The following ZNF837 variants were observed in gnomAD, a reference collection of about 807,000 sequenced individuals.
ZNF837 encodes the protein zinc finger protein 837.
For missense variants in ZNF837, 955 were observed against 801.7 expected, an observed-to-expected ratio of 1.19 and a Z score of -2.31; for synonymous variants, 475 against 365.2, an observed-to-expected ratio of 1.30 and a Z score of -3.43.
intron 1 of ZNF837, among the ~76,000 whole-genome samples, chr19:58,379,430 C>A (rs1429670587): frequency 6.6e-6 from 1 of 152,232 alleles, no homozygotes; most frequent in Non-Finnish European, 1.5e-5. Flanking sequence ...CCAGGATGCA[C>A]TGTCCAACTA....
chr19:58,380,016 AAC>A (rs2052276896), intron 1 of ZNF837, among the ~76,000 whole-genome samples: 1 of 128,508 alleles, frequency 7.8e-6, no homozygotes, highest in African/African-American at 2.5e-5. Flanking sequence ...CAACAACAAC[AAC>A]AACAAAAACA....
chr19:58,380,169 C>A (rs1568569982), intron 1 of ZNF837, among the ~76,000 whole-genome samples: 1 of 152,150 alleles, frequency 6.6e-6, no homozygotes, highest in Admixed American at 6.5e-5. Flanking sequence ...GACTCTAGCC[C>A]CTATGTCCAA....
chr19:58,373,961 CTA>C (rs2052221557), intron 1 of ZNF837, among the ~76,000 whole-genome samples: 1 of 152,288 alleles, frequency 6.6e-6, no homozygotes, highest in Admixed American at 6.5e-5. Context: ...GCAGTAAGCT[CTA>C]TCATGGGGCT....
chr19:58,369,604 A>C, intron 2 of ZNF837: 1 of 338,952 alleles, frequency 3.0e-6, no homozygotes, highest in Non-Finnish European at 5.3e-6. Flanking sequence ...TTCCTCCCCA[A>C]CACTAGCTCC....
rs570461413 is a variant in ZNF837, at chr19:58,375,433, TTTTTG to T, written c.-140+5503_-139-5506del. On this transcript the variant is annotated intron_variant, in intron 1 of 2. Coordinates refer to ENST00000597582, the MANE Select transcript of ZNF837 (RefSeq NM_138466.2). ...GTTCATTTGTTACATGATTTATATA[TTTTTG>T]TTTTGTTTTGTTTTGTTTTGTTTTT... is the stretch of plus-strand genomic sequence containing the variant. 2.0e-3 allele frequency among the ~76,000 whole-genome samples: 307 copies of T among 150,586 alleles called. 2 individuals are homozygous for T. The Middle Eastern group carries it at 0.021, about 10-fold the overall frequency.
At chr19:58,373,212 C>T (rs968224126) in intron 1 of ZNF837, among the ~76,000 whole-genome samples, 5 of 152,206 alleles carry the variant, frequency 3.3e-5, no homozygotes, top group Admixed American at 6.5e-5. Flanking sequence ...GATCCTTCCT[C>T]GATCTCCCTC....
In ZNF837 at chr19:58,368,724, G is replaced by C. The variant is rs115715001; in HGVS notation, c.609C>G (p.Gly203=). Residue 203 remains glycine (G), a synonymous_variant, in exon 3 of 3, where the codon GGC becomes GGG. Transcript: ENST00000597582. ...LVEQPRACAC[G]EAFAWRALRI... is the part of the protein sequence containing the mutation. ...GCAGGGCCCTCCACGCAAAGGCCTC[G>C]CCGCACGCGCAAGCCCGGGGCTGCT... The C allele has an allele frequency of 6.5e-7, 1 of 1,536,284 alleles. No individual in the cohort carries two copies. The highest frequency in any genetic ancestry group is 8.7e-7 in the Non-Finnish European group (1 of 1,146,124).
Position 58,367,753 on chromosome 19 carries a change from C to T in ZNF837, c.1580G>A (p.Gly527Asp), listed in dbSNP as rs570407199. The T allele has an allele frequency of 3.3e-5, 50 of 1,529,522 alleles. 1 individual carries two copies. The East Asian group carries it at 1.1e-3, about 34-fold the overall frequency. The allele number at this position is 1,529,522 out of a possible 1,614,324, so 94.7% of individuals were successfully genotyped here. The change falls in exon 3 of 3, where the codon GGC (glycine) becomes GAC (aspartate). Residue 527 changes from glycine to aspartate, a missense_variant. Transcript: ENST00000597582. ...TCCCTGCAGTCAAGGCGCGGCGCGG[C>T]CCCCGTGCCGCTTCCGGTGCTCGTT... ...NLNEHRKRHG[G>D]RAAP
chr19:58,380,693 A>G (rs8100801), intron 1 of ZNF837, among the ~76,000 whole-genome samples: 15,896 of 152,188 alleles, frequency 0.1, 1,042 homozygotes, highest in East Asian at 0.35. Flanking sequence ...GCGGGCTTCA[A>G]TGACACCCAG....
intron 1 of ZNF837, among the ~76,000 whole-genome samples, chr19:58,371,555 T>C (rs1402076753): frequency 6.6e-6 from 1 of 152,214 alleles, no homozygotes; most frequent in Non-Finnish European, 1.5e-5. Flanking sequence ...GCACAGCCTT[T>C]AGACTCTGAA....
In ZNF837 at chr19:58,367,679, G is replaced by A. The variant is rs1432491174; in HGVS notation, c.*58C>T. 5.3e-5 allele frequency: 76 copies of A among 1,439,314 alleles called. No individual in the cohort carries two copies. The highest frequency in any genetic ancestry group is 1.0e-4 in the African/African-American group (7 of 68,674). The allele number at this position is 1,439,314 out of a possible 1,614,324, so 89.2% of individuals were successfully genotyped here. A position where few individuals can be genotyped will look rare whatever the true frequency, so the allele number is the denominator to read the frequency against. ...ACGTTGGTGGGTTTTCCGGGACAAA[G>A]GCCCCTCCTCGACGCAGGGTTCGCT... On this transcript the variant is annotated 3_prime_UTR_variant, in exon 3 of 3. Transcript: ENST00000597582.
In ZNF837 at chr19:58,368,122, G is replaced by T; in HGVS notation, c.1211C>A (p.Ser404Ter). ...PECGKAFNQR[S>*]NLSRHQRTHS... ...AGTGCGCTGGTGCCGGCTCAGGTTC[G>T]AGCGCTGGTTGAAGGCCTTGCCGCA... is the stretch of plus-strand genomic sequence containing the variant. Residue 404 changes from serine (S) to a stop codon, truncating the protein, a stop_gained, in exon 3 of 3, where the codon TCG (serine) becomes TAG (stop). Coordinates refer to ENST00000597582, the MANE Select transcript of ZNF837 (RefSeq NM_138466.2). LOFTEE classifies it low-confidence loss of function (END_TRUNC). The T allele has an allele frequency of 6.3e-7, 1 of 1,578,692 alleles. No individual in the cohort carries two copies.
At position 58,368,228 on chromosome 19, in the gene ZNF837, C is replaced by A; in HGVS notation, c.1105G>T (p.Ala369Ser). Residue 369 changes from alanine (A) to serine (S), a missense_variant, in exon 3 of 3, where the codon GCC becomes TCC. Physicochemically the swap from Ala to Ser is moderately conservative, Grantham distance 99 (BLOSUM62 1). Coordinates refer to ENST00000597582, the MANE Select transcript of ZNF837 (RefSeq NM_138466.2). ...TGCGAGAACAGCCCGAAGGCCTTGG[C>A]GCAGTCGGCGCACTCGTACGGCTTC... Reference protein sequence around the residue: ...GEKPYECADCAKAFGLFSHLV... With the variant: ...GEKPYECADCSKAFGLFSHLV... 1 of 1,518,970 alleles carries A rather than the reference C, an allele frequency of 6.6e-7. No individual in the cohort carries two copies. The highest frequency in any genetic ancestry group is 1.2e-5 in the South Asian group (1 of 80,408). The allele number at this position is 1,518,970 out of a possible 1,614,324, so 94.1% of individuals were successfully genotyped here.
At position 58,368,221 on chromosome 19, in the gene ZNF837, G is replaced by A; in HGVS notation, c.1112C>T (p.Ala371Val). 6.5e-7 allele frequency: 1 copy of A among 1,533,072 alleles called. No homozygotes were observed. The allele number at this position is 1,533,072 out of a possible 1,614,324, so 95.0% of individuals were successfully genotyped here. Reference protein sequence around the residue: ...KPYECADCAKAFGLFSHLVEH... With the variant: ...KPYECADCAKVFGLFSHLVEH... Reference sequence around the variant, plus strand: ...CACGAGGTGCGAGAACAGCCCGAAGGCCTTGGCGCAGTCGGCGCACTCGTA... The same window carrying A: ...CACGAGGTGCGAGAACAGCCCGAAGACCTTGGCGCAGTCGGCGCACTCGTA... The change falls in exon 3 of 3, where the codon GCC (alanine) becomes GTC (valine). Residue 371 changes from alanine (A) to valine (V), a missense_variant. Coordinates refer to ENST00000597582, the MANE Select transcript of ZNF837 (RefSeq NM_138466.2).
intron 1 of ZNF837, among the ~76,000 whole-genome samples, chr19:58,372,469 C>T (rs1261403515): frequency 1.3e-5 from 2 of 152,194 alleles, no homozygotes; most frequent in African/African-American, 2.4e-5. Flanking sequence ...AGATCGAGAC[C>T]ATCCTTGCCA....
At chr19:58,376,707 A>G (rs2122133905) in intron 1 of ZNF837, among the ~76,000 whole-genome samples, 1 of 152,282 alleles carries the variant, frequency 6.6e-6, no homozygotes, top group South Asian at 2.1e-4. Flanking sequence ...AGTACCAAGC[A>G]TAGTTTCCAC....
chr19:58,380,049 G>A (rs1401400017), intron 1 of ZNF837, among the ~76,000 whole-genome samples: 1 of 152,160 alleles, frequency 6.6e-6, no homozygotes, highest in African/African-American at 2.4e-5. Flanking sequence ...GGAAGTCAAC[G>A]TTGGTGGCTC....
At chr19:58,370,812 T>C (rs553016107) in intron 1 of ZNF837, among the ~76,000 whole-genome samples, 3 of 151,808 alleles carry the variant, frequency 2.0e-5, no homozygotes, top group Admixed American at 2.0e-4. Flanking sequence ...AGAGAATCAC[T>C]TGAACCCGGG....
chr19:58,377,493 T>C (rs1213929253), intron 1 of ZNF837, among the ~76,000 whole-genome samples: 3 of 149,702 alleles, frequency 2.0e-5, no homozygotes, highest in Admixed American at 1.3e-4. Context: ...AAAAAAACTA[T>C]CCAGGTGTGG....
Sources: allele counts gnomAD v4.1 joint callset (sites outside exome capture counted in the v4.1 genomes callset), GRCh38; gene constraint gnomAD v4.1.1; transcripts MANE v1.5; gene names NCBI Gene and HGNC (gene_info 2026-07-23, HGNC 2026-07-21).